HOMER2: variants seen among roughly 807,000 people sequenced by gnomAD.
HOMER2 encodes homer protein homolog 2.
Under a neutral mutation model 47.0 loss-of-function variants are expected in HOMER2, and 27 were observed. The ratio of observed to expected loss-of-function variants is 0.57; its 90% CI spans 0.42 to 0.79. HOMER2 has a LOEUF of 0.79. Ranked by LOEUF, HOMER2 falls within the 30% of genes least tolerant of loss-of-function variation. HOMER2 has a pLI of 0.00. For missense variants in HOMER2, 443 were observed against 435.0 expected, an observed-to-expected ratio of 1.02 and a Z score of -0.16; for synonymous variants, 161 against 163.8, an observed-to-expected ratio of 0.98 and a Z score of 0.13.
chr15:82,936,876 G>C (rs916478370), intron 1 of HOMER2, among the ~76,000 whole-genome samples: 42 of 152,036 alleles, frequency 2.8e-4, no homozygotes, highest in African/African-American at 9.9e-4. Context: ...CTATTAGACA[G>C]AGCTGGTCTG....
At chr15:82,966,709 A>C (rs2054678264) in intron 1 of HOMER2, among the ~76,000 whole-genome samples, 1 of 152,244 alleles carries the variant, frequency 6.6e-6, no homozygotes, top group South Asian at 2.1e-4. Flanking sequence ...CAGTGGTCTC[A>C]CTGGCATTTC....
At chr15:82,975,737 G>A (rs1301888939) in intron 1 of HOMER2, among the ~76,000 whole-genome samples, 3 of 152,198 alleles carry the variant, frequency 2.0e-5, no homozygotes, top group Non-Finnish European at 4.4e-5. Context: ...ATGGTAGGAA[G>A]GTGGGGATAG....
At chr15:82,858,177 T>C (rs2051648086) in intron 5 of HOMER2, among the ~76,000 whole-genome samples, 1 of 152,262 alleles carries the variant, frequency 6.6e-6, no homozygotes, top group African/African-American at 2.4e-5. Flanking sequence ...GGATCTCTTC[T>C]TCAAATATAT....
Position 82,849,088 on chromosome 15 carries a change from A to G in HOMER2, c.*627T>C, listed in dbSNP as rs2051301312. ...AGCACAATCATCTGCTCAGAAATTAAAACCAAGAAAAGGAACACTGTTGCA... is the reference window on the plus strand; with the variant it reads ...AGCACAATCATCTGCTCAGAAATTAGAACCAAGAAAAGGAACACTGTTGCA... On this transcript the variant is annotated 3_prime_UTR_variant, in exon 9 of 9. Transcript: ENST00000450735. 1 of 151,612 alleles carries G rather than the reference A, an allele frequency of 6.6e-6. No individual in the cohort carries two copies. The highest frequency in any genetic ancestry group is 6.6e-5 in the Admixed American group (1 of 15,242). The allele number at this position is 151,612 out of a possible 1,614,324, so 9.4% of individuals were successfully genotyped here.
chr15:82,946,890 G>A (rs761796601), intron 1 of HOMER2, among the ~76,000 whole-genome samples: 29 of 152,068 alleles, frequency 1.9e-4, no homozygotes, highest in East Asian at 5.8e-4. Flanking sequence ...AATGTACCAC[G>A]GCATCTTTCC....
chr15:82,866,707 G>T (rs969281062), intron 3 of HOMER2, among the ~76,000 whole-genome samples: 1 of 152,168 alleles, frequency 6.6e-6, no homozygotes, highest in African/African-American at 2.4e-5. Context: ...AGTCTCAGGA[G>T]ATCTGATGGT....
chr15:82,866,793 G>A (rs922921718), intron 3 of HOMER2, among the ~76,000 whole-genome samples: 7 of 152,084 alleles, frequency 4.6e-5, no homozygotes, highest in Admixed American at 6.6e-5. Flanking sequence ...TCCACCTTCC[G>A]CCATGATTGT....
chr15:82,928,863 A>G, intron 1 of HOMER2, among the ~76,000 whole-genome samples: 1 of 149,822 alleles, frequency 6.7e-6, no homozygotes, highest in Non-Finnish European at 1.5e-5. Context: ...CACATTCCCA[A>G]CAGATGAATC....
At chr15:82,860,360 T>G (rs1402320142) in intron 4 of HOMER2, among the ~76,000 whole-genome samples, 4 of 151,850 alleles carry the variant, frequency 2.6e-5, no homozygotes, top group African/African-American at 7.3e-5. Context: ...GCATTTGCTT[T>G]AAAATATGGT....
chr15:82,868,543 T>TATATATATATATATATGTA (rs1567023464), intron 3 of HOMER2, among the ~76,000 whole-genome samples: 2 of 36,828 alleles, frequency 5.4e-5, no homozygotes, highest in African/African-American at 1.8e-4. Flanking sequence ...ATATATATAT[T>TATATATATATATATATGTA]TTTTTTTTTT....
At chr15:82,910,479 A>G (rs1417719977) in intron 1 of HOMER2, among the ~76,000 whole-genome samples, 1 of 152,192 alleles carries the variant, frequency 6.6e-6, no homozygotes, top group Non-Finnish European at 1.5e-5. Flanking sequence ...CTAGCCACGT[A>G]GGTCATGATA....
intron 1 of HOMER2, 113 bp downstream of exon 1, chr15:82,952,418 T>G: frequency 1.3e-6 from 1 of 743,582 alleles, no homozygotes; most frequent in Non-Finnish European, 1.8e-6. Context: ...TCGCTCCGGC[T>G]TGGGGAGGCG....
At chr15:82,942,344 G>A (rs925621127) in intron 1 of HOMER2, among the ~76,000 whole-genome samples, 6 of 152,190 alleles carry the variant, frequency 3.9e-5, no homozygotes, top group African/African-American at 1.4e-4. Flanking sequence ...AAGAGCTGAC[G>A]AACTGATGAA....
chr15:82,921,727 T>C (rs910531133), intron 1 of HOMER2, among the ~76,000 whole-genome samples: 3 of 152,196 alleles, frequency 2.0e-5, no homozygotes, highest in Non-Finnish European at 4.4e-5. Context: ...TCTGGGGTTG[T>C]GCAGGGCAGA....
At chr15:82,869,978 T>C (rs2052124124) in intron 3 of HOMER2, among the ~76,000 whole-genome samples, 1 of 152,212 alleles carries the variant, frequency 6.6e-6, no homozygotes, top group Admixed American at 6.5e-5. Flanking sequence ...TGCAAAGGTT[T>C]CCGAAATGTA....
chr15:82,893,498 A>G (rs893657483), intron 1 of HOMER2, among the ~76,000 whole-genome samples: 3 of 151,410 alleles, frequency 2.0e-5, no homozygotes, highest in Non-Finnish European at 4.4e-5. Context: ...GCGCTCAGCT[A>G]ATTTTTGTAT....
chr15:82,899,352 A>G (rs966549548), intron 1 of HOMER2, among the ~76,000 whole-genome samples: 1 of 152,118 alleles, frequency 6.6e-6, no homozygotes, highest in Non-Finnish European at 1.5e-5. Flanking sequence ...CACCCATCAC[A>G]AGGGACTGGA....
chr15:82,902,107 A>G (rs1323277805), intron 1 of HOMER2, among the ~76,000 whole-genome samples: 1 of 152,144 alleles, frequency 6.6e-6, no homozygotes, highest in Admixed American at 6.6e-5. Context: ...TCCCACCTGA[A>G]TCTATCATGA....
chr15:82,917,849 C>A (rs568373076), intron 1 of HOMER2, among the ~76,000 whole-genome samples: 2 of 152,272 alleles, frequency 1.3e-5, no homozygotes, highest in South Asian at 2.1e-4. Flanking sequence ...CAAGGCAAAA[C>A]TCATCTCTAT....
Sources: allele counts gnomAD v4.1 joint callset (sites outside exome capture counted in the v4.1 genomes callset), GRCh38; gene constraint gnomAD v4.1.1; transcripts MANE v1.5; gene names NCBI Gene and HGNC (gene_info 2026-07-23, HGNC 2026-07-21).